The following ADK variants were observed in gnomAD, a reference collection of about 807,000 sequenced individuals.
ADK encodes the protein N6,N6-dimethyladenosine kinase.
In ADK, 24 loss-of-function variants were observed where a neutral mutation model predicts 44.7. That is an observed-to-expected ratio of 0.54 (90% CI 0.39 to 0.76). The LOEUF is 0.76. Among genes scored for constraint, ADK ranks in the 30% least tolerant of loss-of-function variants. The pLI is 0.00. For missense variants in ADK, 321 were observed against 425.1 expected, an observed-to-expected ratio of 0.76 and a Z score of 2.15; for synonymous variants, 128 against 142.6, an observed-to-expected ratio of 0.90 and a Z score of 0.73.
intron 10 of ADK, among the ~76,000 whole-genome samples, chr10:74,671,650 A>G (rs1419627062): frequency 6.6e-6 from 1 of 152,172 alleles, no homozygotes; most frequent in Non-Finnish European, 1.5e-5. Context: ...TCTGAATTTA[A>G]CCATATTCTG....
chr10:74,547,486 T>TC (rs202133051), intron 7 of ADK, among the ~76,000 whole-genome samples: 1 of 135,106 alleles, frequency 7.4e-6, no homozygotes, highest in African/African-American at 3.1e-5. Context: ...ATTTTATTAT[T>TC]TTTTTTTTTT....
chr10:74,326,896 T>G (rs1391371179), intron 4 of ADK, among the ~76,000 whole-genome samples: 1 of 151,998 alleles, frequency 6.6e-6, no homozygotes, highest in African/African-American at 2.4e-5. Flanking sequence ...GTCTCCTTTT[T>G]TGTTTCTCAC....
chr10:74,470,465 A>C lies in ADK; in HGVS notation c.556-54791A>C, dbSNP rs141036162. ...TTTCAGATCTTTTGGATATATTTCC[A>C]GAAGTGAGATTGCTGGCATTTTTAA... On this transcript the variant is annotated intron_variant, in intron 6 of 10. Transcript: ENST00000539909. Among the ~76,000 whole-genome samples, 6 of 152,128 alleles carry C rather than the reference A, an allele frequency of 3.9e-5. No homozygotes were observed. The East Asian group carries it at 1.2e-3, about 29-fold the overall frequency.
At chr10:74,293,622 ACTT>A (rs1003019268) in intron 3 of ADK, among the ~76,000 whole-genome samples, 10 of 152,174 alleles carry the variant, frequency 6.6e-5, no homozygotes, top group African/African-American at 2.4e-4. Flanking sequence ...GAGTTAAAAT[ACTT>A]CTTTATGTTA....
At chr10:74,490,385 G>A (rs1464319113) in intron 6 of ADK, among the ~76,000 whole-genome samples, 1 of 151,980 alleles carries the variant, frequency 6.6e-6, no homozygotes, top group Non-Finnish European at 1.5e-5. Context: ...ATATTGCCAA[G>A]GATTTACCAA....
At chr10:74,530,029 C>T (rs1849219670) in intron 7 of ADK, among the ~76,000 whole-genome samples, 1 of 152,002 alleles carries the variant, frequency 6.6e-6, no homozygotes, top group South Asian at 2.1e-4. Context: ...TTAATACATA[C>T]TAGGTAAGTT....
intron 6 of ADK, among the ~76,000 whole-genome samples, chr10:74,480,136 T>C (rs966430053): frequency 1.1e-4 from 17 of 152,110 alleles, no homozygotes; most frequent in Non-Finnish European, 1.8e-4. Flanking sequence ...TCCTTGACTT[T>C]ATTTCTTGGA....
chr10:74,371,967 G>A (rs565696423), intron 4 of ADK: 176 of 892,768 alleles, frequency 2.0e-4, no homozygotes, highest in African/African-American at 1.6e-3. Context: ...CCTATCTACC[G>A]TTGCTTTGTG....
intron 7 of ADK, among the ~76,000 whole-genome samples, chr10:74,552,491 GT>G (rs1322630784): frequency 2.6e-5 from 4 of 152,092 alleles, no homozygotes; most frequent in African/African-American, 9.7e-5. Context: ...TCTTTTGGGG[GT>G]GATGTAAATG....
chr10:74,293,601 C>T (rs183127250), intron 3 of ADK, among the ~76,000 whole-genome samples: 1 of 152,230 alleles, frequency 6.6e-6, no homozygotes, highest in Admixed American at 6.5e-5. Flanking sequence ...CTTATAGTTA[C>T]TCTTTTATTA....
intron 4 of ADK, among the ~76,000 whole-genome samples, chr10:74,336,153 T>A (rs1354066119): frequency 3.3e-5 from 5 of 152,236 alleles, no homozygotes; most frequent in Admixed American, 6.5e-5. Context: ...TACATGTAGA[T>A]CTGTGATCCA....
intron 6 of ADK, among the ~76,000 whole-genome samples, chr10:74,408,483 G>A (rs1844038760): frequency 6.6e-6 from 1 of 152,086 alleles, no homozygotes; most frequent in Non-Finnish European, 1.5e-5. Flanking sequence ...TGATAAATGT[G>A]TTATGGGGAA....
intron 3 of ADK, among the ~76,000 whole-genome samples, chr10:74,289,931 C>A (rs1031275186): frequency 3.3e-5 from 5 of 151,626 alleles, no homozygotes; most frequent in Non-Finnish European, 5.9e-5. Flanking sequence ...CTTTTCTTAG[C>A]CATATACACA....
At chr10:74,359,915 TG>T (rs1296911635) in intron 4 of ADK, among the ~76,000 whole-genome samples, 1 of 152,150 alleles carries the variant, frequency 6.6e-6, no homozygotes, top group Non-Finnish European at 1.5e-5. Flanking sequence ...GTAAATGGTT[TG>T]CTTTCTTGAT....
chr10:74,594,582 G>A (rs970132561), intron 8 of ADK, among the ~76,000 whole-genome samples: 1 of 150,780 alleles, frequency 6.6e-6, no homozygotes, highest in African/African-American at 2.4e-5. Flanking sequence ...TGATAAAAAG[G>A]CAGAAATTCT....
At chr10:74,675,982 C>A (rs918016626) in intron 10 of ADK, among the ~76,000 whole-genome samples, 2 of 149,172 alleles carry the variant, frequency 1.3e-5, no homozygotes, top group Non-Finnish European at 3.0e-5. Flanking sequence ...TGTGTAGGCA[C>A]TTATATACAA....
At chr10:74,678,798 A>G (rs938562190) in intron 10 of ADK, among the ~76,000 whole-genome samples, 1 of 152,238 alleles carries the variant, frequency 6.6e-6, no homozygotes, top group Admixed American at 6.5e-5. Context: ...AACAAAATAT[A>G]TGTGTGTTAG....
chr10:74,461,060 A>G (rs1846157487), intron 6 of ADK, among the ~76,000 whole-genome samples: 2 of 152,184 alleles, frequency 1.3e-5, no homozygotes, highest in South Asian at 2.1e-4. Context: ...TTAAATTTAC[A>G]GGACATCTTC....
chr10:74,588,610 AC>A, intron 7 of ADK, among the ~76,000 whole-genome samples: 1 of 152,338 alleles, frequency 6.6e-6, no homozygotes, highest in South Asian at 2.1e-4. Context: ...TGTGAACTTC[AC>A]ACTGCATCAC....
Sources: allele counts gnomAD v4.1 joint callset (sites outside exome capture counted in the v4.1 genomes callset), GRCh38; gene constraint gnomAD v4.1.1; transcripts MANE v1.5; gene names NCBI Gene and HGNC (gene_info 2026-07-23, HGNC 2026-07-21).